PHPT1: variants seen among roughly 807,000 people sequenced by gnomAD.
PHPT1 encodes the protein phosphohistidine phosphatase 1.
In PHPT1, 16 loss-of-function variants were observed where a neutral mutation model predicts 15.6. The observed-to-expected ratio is 1.03, with a 90% CI of 0.70 to 1.56. The LOEUF is 1.56. PHPT1 is among the 40% of genes most tolerant of loss of function. The probability of loss-of-function intolerance (pLI) is 0.00; values close to 1 mark genes in which losing one functional copy is unlikely to be tolerated. For missense variants in PHPT1, 228 were observed against 171.0 expected (o/e 1.33, Z -1.86); for synonymous variants, 102 against 68.1 (o/e 1.50, Z -2.45).
intron 2 of PHPT1, 50 bp from the exon 3 acceptor site, chr9:136,850,705 A>G: frequency 6.5e-7 from 1 of 1,529,322 alleles, no homozygotes; most frequent in Non-Finnish European, 9.1e-7. Context: ...AGAGCCGGGT[A>G]TCGGGTTGAA....
rs566363169 is a variant in PHPT1 at position 136,849,782 on chromosome 9, G to A, written c.160+192G>A. On this transcript the variant is annotated intron_variant, in intron 1 of 2. Coordinates refer to ENST00000247665, the MANE Select transcript of PHPT1 (RefSeq NM_014172.6). The stretch of plus-strand genomic sequence containing the variant: ...TTTGACCCAGGCTGAGGTCCTGGGC[G>A]GGAAGGGCGTGACACGGCCTGACAC... The A allele has an allele frequency of 1.3e-4, 96 of 729,418 alleles. 2 individuals carry two copies. The highest frequency in any genetic ancestry group is 1.2e-3 in the Admixed American group (38 of 30,840). The allele number at this position is 729,418 out of a possible 1,614,324, so 45.2% of individuals were successfully genotyped here.
chr9:136,849,755 G>GGTT, intron 1 of PHPT1, 165 bp downstream of exon 1: 1 of 787,308 alleles, frequency 1.3e-6, no homozygotes. Context: ...GCCCCTGCTA[G>GGTT]GTTTGACCCA....
intron 1 of PHPT1, 200 bp downstream of exon 1, chr9:136,849,790 C>A: frequency 1.4e-6 from 1 of 711,706 alleles, no homozygotes; most frequent in Non-Finnish European, 2.2e-6. Context: ...GCGGGAAGGG[C>A]GTGACACGGC....
Position 136,850,904 on chromosome 9 carries a change from G to A in PHPT1, c.*57G>A. The A allele has an allele frequency of 7.7e-7, 1 of 1,300,544 alleles. No homozygotes were observed. Among genetic ancestry groups the A allele is most frequent in the South Asian group, 1.2e-5 (1 of 84,938 alleles). 80.6% of individuals were successfully genotyped at this position (1,300,544 alleles called of 1,614,324 possible). A position where few individuals can be genotyped will look rare whatever the true frequency, so the allele number is the denominator to read the frequency against. On this transcript the variant is annotated 3_prime_UTR_variant, in exon 3 of 3. Coordinates refer to ENST00000247665, the MANE Select transcript of PHPT1 (RefSeq NM_014172.6). ...CAGCCACTTCAGAGCCCCCGCCTTT[G>A]CCTGCACTCCTCTTGCAGGGCTGGC...
chr9:136,850,693 C>T, intron 2 of PHPT1, 62 bp from the exon 3 acceptor site: 1 of 1,522,544 alleles, frequency 6.6e-7, no homozygotes. Context: ...GGCTGGATGC[C>T]CAGAGCCGGG....
At chr9:136,849,671 C>A (rs569840759) in intron 1 of PHPT1, 81 bp downstream of exon 1, 68 of 249,336 alleles carry the variant, frequency 2.7e-4, no homozygotes, top group Admixed American at 2.1e-3. Flanking sequence ...ACGGGGCTGA[C>A]GAGGCAGGGG....
At position 136,850,062 on chromosome 9, in the gene PHPT1, CTG is replaced by C; in HGVS notation, c.213_214del (p.Cys71Ter). On this transcript the variant is annotated frameshift_variant, in exon 2 of 3. Transcript: ENST00000247665. LOFTEE classifies it high-confidence loss of function. ...GCGACATGCAGAAGCAAGGCTGCGA[CTG>C]TGAGTGTCTGGGCGGCGGGCGCATC... is the stretch of plus-strand genomic sequence containing the variant. ...SGDMQKQGCD[C>X]ECLGGGRISH... 6.2e-7 allele frequency: 1 copy of C among 1,613,218 alleles called. No homozygotes were observed. Among genetic ancestry groups the C allele is most frequent in the Admixed American group, 1.7e-5 (1 of 60,014 alleles).
chr9:136,849,893 T>G (rs1199580426), intron 1 of PHPT1, 120 bp from the exon 2 acceptor site: 5 of 1,074,640 alleles, frequency 4.7e-6, no homozygotes, highest in Admixed American at 2.2e-5. Flanking sequence ...TCAAGGGGCT[T>G]CGTCTCTCCT....
intron 1 of PHPT1, 111 bp from the exon 2 acceptor site, chr9:136,849,902 C>T (rs1016162607): frequency 2.6e-6 from 3 of 1,166,586 alleles, no homozygotes; most frequent in South Asian, 1.4e-5. Flanking sequence ...TTCGTCTCTC[C>T]TGGGGAAGGG....
At chr9:136,850,640 C>G in intron 2 of PHPT1, 115 bp from the exon 3 acceptor site, 1 of 1,498,320 alleles carries the variant, frequency 6.7e-7, no homozygotes, top group South Asian at 1.1e-5. Context: ...CATCCCCAGG[C>G]ACTGCCTATC....
chr9:136,849,800 C>T (rs1381396303), intron 1 of PHPT1: 2 of 704,564 alleles, frequency 2.8e-6, no homozygotes, highest in Non-Finnish European at 4.6e-6. Context: ...CGTGACACGG[C>T]CTGACACCCT....
At position 136,850,065 on chromosome 9, in the gene PHPT1, T is replaced by A. The variant is rs749898028; in HGVS notation, c.213T>A (p.Cys71Ter). The A allele has an allele frequency of 1.2e-6, 2 of 1,613,050 alleles. No individual in the cohort carries two copies. The highest frequency in any genetic ancestry group is 1.1e-5 in the South Asian group (1 of 91,078). The change falls in exon 2 of 3, where the codon TGT (cysteine) becomes TGA (stop). Residue 71 changes from cysteine (C) to a stop codon, truncating the protein, a stop_gained. Transcript: ENST00000247665. LOFTEE classifies it high-confidence loss of function. Reference sequence around the variant, plus strand: ...ACATGCAGAAGCAAGGCTGCGACTGTGAGTGTCTGGGCGGCGGGCGCATCT... The same window carrying A: ...ACATGCAGAAGCAAGGCTGCGACTGAGAGTGTCTGGGCGGCGGGCGCATCT... ...SGDMQKQGCD[C>*]ECLGGGRISH...
intron 1 of PHPT1, 188 bp from the exon 2 acceptor site, chr9:136,849,825 C>A: frequency 1.4e-6 from 1 of 737,572 alleles, no homozygotes; most frequent in Admixed American, 2.8e-5. Context: ...AGCAGTCTCC[C>A]AGTTCCCGCG....
At chr9:136,850,718 G>A (rs74987132) in intron 2 of PHPT1, 37 bp from the exon 3 acceptor site, 2 of 1,564,672 alleles carry the variant, frequency 1.3e-6, no homozygotes, top group African/African-American at 1.4e-5. Context: ...GGGTTGAAGG[G>A]TCCAGGTAGT....
Position 136,850,873 on chromosome 9 carries a change from C to G in PHPT1, c.*26C>G. On this transcript the variant is annotated 3_prime_UTR_variant, in exon 3 of 3. Transcript: ENST00000247665. ...GCACTCCCAGCCCGGGGCCTGCTGC[C>G]TCCAGCAGCCACTTCAGAGCCCCCG... The G allele has an allele frequency of 6.5e-7, 1 of 1,544,776 alleles. No homozygotes were observed. The highest frequency in any genetic ancestry group is 8.9e-7 in the Non-Finnish European group (1 of 1,118,124).
In PHPT1 at chr9:136,850,035, G is replaced by A. The variant is rs772071590; in HGVS notation, c.183G>A (p.Ser61=). 1 of 1,612,826 alleles carries A rather than the reference G, an allele frequency of 6.2e-7. No homozygotes were observed. The highest frequency in any genetic ancestry group is 1.7e-5 in the Admixed American group (1 of 60,002). ...EYHADIYDKV[S]GDMQKQGCDC... ...CAGCGGACATCTACGACAAAGTGTC[G>A]GGCGACATGCAGAAGCAAGGCTGCG... Residue 61 remains serine (S), a synonymous_variant, in exon 2 of 3, where the codon TCG becomes TCA. Transcript: ENST00000247665.
At chr9:136,850,179 C>T (rs370764833) in intron 2 of PHPT1, 42 bp downstream of exon 2, 40 of 1,611,896 alleles carry the variant, frequency 2.5e-5, no homozygotes, top group Non-Finnish European at 3.1e-5. Flanking sequence ...GGCCCCAGTA[C>T]CAGCTTCGAG....
At position 136,850,961 on chromosome 9, in the gene PHPT1, G is replaced by T. The variant is rs369717212; in HGVS notation, c.*114G>T. 2 of 829,364 alleles carry T rather than the reference G, an allele frequency of 2.4e-6. No homozygotes were observed. The highest frequency in any genetic ancestry group is 4.2e-6 in the Non-Finnish European group (2 of 471,510). 51.4% of individuals were successfully genotyped at this position (829,364 alleles called of 1,614,324 possible). On this transcript the variant is annotated 3_prime_UTR_variant, in exon 3 of 3. Transcript: ENST00000247665. ...TGCTCCTGCGGCAGCCTCTGGTGAC[G>T]TGCTGTCCACCAGGCCTTGGAGACA... is the stretch of plus-strand genomic sequence containing the variant.
rs748028738 is a variant in PHPT1 at position 136,850,095 on chromosome 9, C to A, written c.243C>A (p.His81Gln). ...GTCTGGGCGGCGGGCGCATCTCCCA[C>A]CAGAGTCAGGACAAGAAGATTCACG... Reference protein sequence around the residue: ...CECLGGGRISHQSQDKKIHVY... With the variant: ...CECLGGGRISQQSQDKKIHVY... The change falls in exon 2 of 3, where the codon CAC (histidine) becomes CAA (glutamine). Residue 81 changes from histidine to glutamine, a missense_variant. His to Gln is a conservative substitution (Grantham distance 24). Transcript: ENST00000247665. 11 of 1,613,102 alleles carry A rather than the reference C, an allele frequency of 6.8e-6. 1 individual carries two copies. In the Middle Eastern group the frequency reaches 6.6e-4, roughly 96 times the overall value.
Sources: gnomAD v4.1 joint callset for allele counts on GRCh38, gnomAD v4.1.1 for gene constraint, MANE v1.5 for transcripts, NCBI Gene and HGNC (gene_info 2026-07-23, HGNC 2026-07-21) for gene names.